The following COMMD10 variants were observed in gnomAD, a reference collection of about 807,000 sequenced individuals.
COMMD10 encodes the protein COMM domain containing 10.
A neutral mutation model predicts 28.9 loss-of-function variants in COMMD10; 33 were observed. The ratio of observed to expected loss-of-function variants is 1.14; its 90% CI spans 0.87 to 1.53. COMMD10 has a LOEUF of 1.53. COMMD10 is among the 40% of genes most tolerant of loss of function. COMMD10 has a pLI of 0.00. For synonymous variants in COMMD10, 110 were observed against 81.7 expected (o/e 1.35, Z -1.87); for missense variants, 310 against 233.4 (o/e 1.33, Z -2.14).
intron 5 of COMMD10, among the ~76,000 whole-genome samples, chr5:116,209,594 A>T (rs141152360): frequency 3.3e-5 from 5 of 152,264 alleles, no homozygotes; most frequent in African/African-American, 9.6e-5. Context: ...AACTGAACCC[A>T]TGCTTCTGCC....
intron 5 of COMMD10, among the ~76,000 whole-genome samples, chr5:116,273,427 C>A (rs747026395): frequency 2.1e-4 from 32 of 151,692 alleles, no homozygotes; most frequent in Non-Finnish European, 4.0e-4. Flanking sequence ...TAGAAGATGT[C>A]TTCGAAAGCT....
chr5:116,293,232 T>C lies in COMMD10; in HGVS notation c.*743T>C, dbSNP rs1751419997. 2.7e-6 allele frequency: 1 copy of C among 375,562 alleles called. No homozygotes were observed. Among genetic ancestry groups the C allele is most frequent in the Non-Finnish European group, 4.7e-6 (1 of 211,730 alleles). 23.3% of individuals were successfully genotyped at this position (375,562 alleles called of 1,614,324 possible). ...CATTATTCGAATCAGATACCTTTTA[T>C]ATTCTCTTTCCATAAATACGTTGAT... On this transcript the variant is annotated 3_prime_UTR_variant, in exon 7 of 7. Coordinates refer to ENST00000274458, the MANE Select transcript of COMMD10 (RefSeq NM_016144.4).
chr5:116,141,442 G>GAA (rs1752192405), intron 5 of COMMD10, among the ~76,000 whole-genome samples: 1 of 151,488 alleles, frequency 6.6e-6, no homozygotes, highest in Non-Finnish European at 1.5e-5. Context: ...CTATTTCTGT[G>GAA]AAAAAATGCC....
intron 5 of COMMD10, among the ~76,000 whole-genome samples, chr5:116,135,701 A>ATT (rs1752005871): frequency 1.3e-5 from 2 of 152,188 alleles, no homozygotes; most frequent in African/African-American, 4.8e-5. Context: ...TTAATCTCTT[A>ATT]CAGTGCCTAA....
At chr5:116,195,574 A>G (rs548867537) in intron 5 of COMMD10, among the ~76,000 whole-genome samples, 3 of 152,126 alleles carry the variant, frequency 2.0e-5, no homozygotes, top group African/African-American at 7.2e-5. Flanking sequence ...AAAAATAAAT[A>G]AGTAAGATAC....
chr5:116,234,338 C>T (rs937066692), intron 5 of COMMD10, among the ~76,000 whole-genome samples: 1 of 151,988 alleles, frequency 6.6e-6, no homozygotes, highest in African/African-American at 2.4e-5. Flanking sequence ...ATCTGGCAAT[C>T]GAAAGCTGCC....
intron 5 of COMMD10, among the ~76,000 whole-genome samples, chr5:116,217,832 G>A (rs767259527): frequency 1.1e-4 from 16 of 151,924 alleles, no homozygotes; most frequent in Admixed American, 2.6e-4. Flanking sequence ...CATCAATCCA[G>A]CTTCGAAGAC....
chr5:116,216,595 G>C (rs1320531083), intron 5 of COMMD10, among the ~76,000 whole-genome samples: 1 of 152,154 alleles, frequency 6.6e-6, no homozygotes, highest in Admixed American at 6.5e-5. Flanking sequence ...TCAGTGGCGC[G>C]ATCTCGGCTC....
intron 5 of COMMD10, among the ~76,000 whole-genome samples, chr5:116,280,627 G>A (rs1438212003): frequency 6.6e-6 from 1 of 151,780 alleles, no homozygotes; most frequent in Non-Finnish European, 1.5e-5. Context: ...TTTACTGAAT[G>A]ACTGAATATA....
In COMMD10 at chr5:116,195,994, A is replaced by G. The variant is rs539220854; in HGVS notation, c.510+61816A>G. On this transcript the variant is annotated intron_variant, in intron 5 of 6. Coordinates refer to ENST00000274458, the MANE Select transcript of COMMD10 (RefSeq NM_016144.4). The stretch of plus-strand genomic sequence containing the variant: ...CGTCTACACTGCTGGTGGGAATGTA[A>G]ACTAGTACAGCCATTATGGAAGACA... Among the ~76,000 whole-genome samples the G allele has an allele frequency of 8.5e-5, 13 of 152,308 alleles. No individual in the cohort carries two copies. The East Asian group carries it at 2.5e-3, about 29-fold the overall frequency.
intron 5 of COMMD10, among the ~76,000 whole-genome samples, chr5:116,249,161 C>A (rs1750042115): frequency 6.6e-6 from 1 of 151,878 alleles, no homozygotes; most frequent in Non-Finnish European, 1.5e-5. Flanking sequence ...ATATTTGGGA[C>A]TGCTATGGTT....
chr5:116,255,060 C>A (rs1400219648), intron 5 of COMMD10, among the ~76,000 whole-genome samples: 3 of 151,582 alleles, frequency 2.0e-5, no homozygotes, highest in Non-Finnish European at 2.9e-5. Context: ...TAATGGCCTT[C>A]TTTGTCTCTT....
intron 5 of COMMD10, among the ~76,000 whole-genome samples, chr5:116,148,556 A>G (rs1246315232): frequency 6.6e-6 from 1 of 151,902 alleles, no homozygotes; most frequent in Non-Finnish European, 1.5e-5. Flanking sequence ...AGAATTGTCT[A>G]GGTACAACTT....
intron 5 of COMMD10, among the ~76,000 whole-genome samples, chr5:116,240,851 C>T (rs1385446898): frequency 1.3e-5 from 2 of 152,170 alleles, no homozygotes; most frequent in African/African-American, 2.4e-5. Context: ...TAATCACTTC[C>T]TGCAATGGTG....
chr5:116,266,522 A>G (rs1580597352), intron 5 of COMMD10, among the ~76,000 whole-genome samples: 1 of 151,958 alleles, frequency 6.6e-6, no homozygotes, highest in South Asian at 2.1e-4. Flanking sequence ...ATGCAGTAGT[A>G]GTAAACCTAC....
In COMMD10 at chr5:116,249,984, G is replaced by C. The variant is rs111436024; in HGVS notation, c.511-41533G>C. On this transcript the variant is annotated intron_variant, in intron 5 of 6. Transcript: ENST00000274458. ...CATAAAGTTAATATGTTTCCAGATT[G>C]TTCAAGTTTTATATTGTTATATTTT... 8.7e-3 allele frequency among the ~76,000 whole-genome samples: 1,317 copies of C among 151,930 alleles called. 5 individuals carry two copies. The highest frequency in any genetic ancestry group is 0.014 in the Non-Finnish European group (974 of 67,868).
intron 5 of COMMD10, among the ~76,000 whole-genome samples, chr5:116,173,843 G>GTTTTTTTTTTTTTTTTTTTTTT (rs1561648115): frequency 8.8e-6 from 1 of 114,168 alleles, no homozygotes; most frequent in Non-Finnish European, 1.7e-5. Context: ...GTTTTGTTTT[G>GTTTTTTTTTTTTTTTTTTTTTT]TTTTTGTTTT....
At chr5:116,130,174 C>G (rs1405156428) in intron 4 of COMMD10, among the ~76,000 whole-genome samples, 3 of 151,760 alleles carry the variant, frequency 2.0e-5, no homozygotes, top group Admixed American at 2.0e-4. Context: ...TATTTCAATT[C>G]AATTCTACAG....
At chr5:116,148,108 T>A (rs1162222753) in intron 5 of COMMD10, among the ~76,000 whole-genome samples, 1 of 151,890 alleles carries the variant, frequency 6.6e-6, no homozygotes, top group Non-Finnish European at 1.5e-5. Context: ...ATATTTAAAA[T>A]ACTATATACT....
Sources: allele counts gnomAD v4.1 joint callset (sites outside exome capture counted in the v4.1 genomes callset), GRCh38; gene constraint gnomAD v4.1.1; transcripts MANE v1.5; gene names NCBI Gene and HGNC (gene_info 2026-07-23, HGNC 2026-07-21).